NOTCH2NLC: variants seen among roughly 807,000 people sequenced by gnomAD.
NOTCH2NLC encodes the protein notch homolog 2 N-terminal-like protein C.
Under a neutral mutation model 17.7 loss-of-function variants are expected in NOTCH2NLC, and 4 were observed. The observed-to-expected ratio is 0.23, with a 90% CI of 0.11 to 0.52. The LOEUF is 0.52. Among genes scored for constraint, NOTCH2NLC ranks in the 20% least tolerant of loss-of-function variants. The pLI, the probability that NOTCH2NLC is intolerant of heterozygous loss-of-function variation, is 0.96. For synonymous variants in NOTCH2NLC, 18 were observed against 86.0 expected (o/e 0.21, Z 4.38); for missense variants, 57 against 207.2 (o/e 0.28, Z 4.45).
chr1:149,471,409 A>G lies in NOTCH2NLC; in HGVS notation c.*7256A>G, dbSNP rs1418720935. ...ACTTTGCTTATCCCACATTACAAAGATTTACTACTTCTAAGTGATTTATAA... is the reference window on the plus strand; with the variant it reads ...ACTTTGCTTATCCCACATTACAAAGGTTTACTACTTCTAAGTGATTTATAA... On this transcript the variant is annotated 3_prime_UTR_variant, in exon 5 of 5. Coordinates refer to ENST00000650865, the MANE Select transcript of NOTCH2NLC (RefSeq NM_001364013.2). Among the ~76,000 whole-genome samples, 1 of 149,232 alleles carries G rather than the reference A, an allele frequency of 6.7e-6. No individual in the cohort carries two copies. The highest frequency in any genetic ancestry group is 2.5e-5 in the African/African-American group (1 of 40,556).
rs1232120900 is a variant in NOTCH2NLC, at chr1:149,429,973, C to T, written c.136-969C>T. Among the ~76,000 whole-genome samples the T allele has an allele frequency of 3.8e-4, 57 of 151,128 alleles. 3 individuals carry two copies. The highest frequency in any genetic ancestry group is 1.2e-3 in the African/African-American group (51 of 41,238). On this transcript the variant is annotated intron_variant, in intron 1 of 4. Coordinates refer to ENST00000650865, the MANE Select transcript of NOTCH2NLC (RefSeq NM_001364013.2). ...TAGGTTTCTTTCTGTCTTACCTTTC[C>T]AGTTGTTAGGATTCTTGATATGTAT...
Position 149,471,451 on chromosome 1 carries a change from TA to T in NOTCH2NLC, c.*7299del. Among the ~76,000 whole-genome samples the T allele has an allele frequency of 6.6e-6, 1 of 150,654 alleles. No homozygotes were observed. On this transcript the variant is annotated 3_prime_UTR_variant, in exon 5 of 5. Coordinates refer to ENST00000650865, the MANE Select transcript of NOTCH2NLC (RefSeq NM_001364013.2). Reference sequence around the variant, plus strand: ...GATTTATAATTTTACCACCTACCTTTAGGTCTCTGATCCATTTTGAGTTAAT... The same window carrying T: ...GATTTATAATTTTACCACCTACCTTTGGTCTCTGATCCATTTTGAGTTAAT...
In NOTCH2NLC at chr1:149,441,120, T is replaced by C. The variant is rs1293627107; in HGVS notation, c.209+10105T>C. Among the ~76,000 whole-genome samples the C allele has an allele frequency of 1.6e-3, 223 of 142,822 alleles. 5 individuals carry two copies. Among genetic ancestry groups the C allele is most frequent in the African/African-American group, 5.6e-3 (218 of 39,044 alleles). 93.7% of individuals were successfully genotyped at this position (142,822 alleles called of 152,430 possible). On this transcript the variant is annotated intron_variant, in intron 2 of 4. Transcript: ENST00000650865. ...TCTCTAAGGCAAGAGCAAGAATGGA[T>C]TGGGATAGGGGAAGTGATAGGAAAA...
chr1:149,471,761 G>T lies in NOTCH2NLC; in HGVS notation c.*7608G>T, dbSNP rs1232840665. On this transcript the variant is annotated 3_prime_UTR_variant, in exon 5 of 5. Coordinates refer to ENST00000650865, the MANE Select transcript of NOTCH2NLC (RefSeq NM_001364013.2). ...GACACTGAAATATATGCTTAAAAAT[G>T]GTGATTTTTGTGATATATGAATTAT... 3.4e-5 allele frequency among the ~76,000 whole-genome samples: 5 copies of T among 146,570 alleles called. No individual in the cohort carries two copies. Among genetic ancestry groups the T allele is most frequent in the South Asian group, 2.2e-4 (1 of 4,584 alleles).
At chr1:149,427,349 G>A (rs68088082) in intron 1 of NOTCH2NLC, among the ~76,000 whole-genome samples, 52 of 144,224 alleles carry the variant, frequency 3.6e-4, no homozygotes, top group African/African-American at 8.3e-4. Flanking sequence ...TCAATTCTAC[G>A]TATAAGTGAG....
At chr1:149,419,753 A>G (rs1482946787) in intron 1 of NOTCH2NLC, among the ~76,000 whole-genome samples, 4 of 149,154 alleles carry the variant, frequency 2.7e-5, no homozygotes, top group Non-Finnish European at 1.5e-5. Flanking sequence ...TGACCAGGAG[A>G]CCCAGGTTGT....
chr1:149,461,799 G>A (rs1173727589), intron 3 of NOTCH2NLC, among the ~76,000 whole-genome samples: 2 of 149,920 alleles, frequency 1.3e-5, no homozygotes, highest in Non-Finnish European at 3.0e-5. Context: ...ATACTATTCA[G>A]CCATAAAAAA....
chr1:149,418,647 CT>C (rs1182047464), intron 1 of NOTCH2NLC, among the ~76,000 whole-genome samples: 8 of 123,652 alleles, frequency 6.5e-5, no homozygotes, highest in Non-Finnish European at 1.4e-4. Flanking sequence ...TGCAGATTTT[CT>C]TTTTGTCTTA....
intron 1 of NOTCH2NLC, among the ~76,000 whole-genome samples, chr1:149,405,489 C>T (rs1288083984): frequency 6.8e-6 from 1 of 147,264 alleles, no homozygotes; most frequent in Non-Finnish European, 1.5e-5. Flanking sequence ...TCCAGATCAC[C>T]TAGCCAGTCA....
intron 1 of NOTCH2NLC, among the ~76,000 whole-genome samples, chr1:149,423,823 ATG>A (rs2084395083): frequency 6.8e-6 from 1 of 147,474 alleles, no homozygotes; most frequent in Non-Finnish European, 1.5e-5. Context: ...GAAAAAAATC[ATG>A]TGAGATAGAC....
At position 149,413,623 on chromosome 1, in the gene NOTCH2NLC, TTAAC is replaced by T. The variant is rs1262744742; in HGVS notation, c.136-17318_136-17315del. Among the ~76,000 whole-genome samples, 11 of 150,938 alleles carry T rather than the reference TTAAC, an allele frequency of 7.3e-5. 1 individual carries two copies. The highest frequency in any genetic ancestry group is 2.2e-4 in the African/African-American group (9 of 41,110). The stretch of plus-strand genomic sequence containing the variant: ...AGAAGGGGCATCCTACCAGTGTGAG[TTAAC>T]ACTTCTCTGTACTCTCCCCGGTTCC... On this transcript the variant is annotated intron_variant, in intron 1 of 4. Coordinates refer to ENST00000650865, the MANE Select transcript of NOTCH2NLC (RefSeq NM_001364013.2).
chr1:149,449,188 A>G (rs1160052168), intron 2 of NOTCH2NLC, among the ~76,000 whole-genome samples: 3 of 151,032 alleles, frequency 2.0e-5, no homozygotes, highest in Non-Finnish European at 4.4e-5. Context: ...GCCTAGCTGT[A>G]AAATCTTAAT....
At chr1:149,449,968 A>T (rs1332255610) in intron 2 of NOTCH2NLC, among the ~76,000 whole-genome samples, 1 of 147,164 alleles carries the variant, frequency 6.8e-6, no homozygotes, top group Non-Finnish European at 1.5e-5. Context: ...TCAGAATGTC[A>T]TTCCTTTTCA....
At chr1:149,402,329 C>T (rs1336555846) in intron 1 of NOTCH2NLC, among the ~76,000 whole-genome samples, 1 of 150,920 alleles carries the variant, frequency 6.6e-6, no homozygotes, top group African/African-American at 2.4e-5. Context: ...GATCCACCCA[C>T]CTCAGCCTCC....
In NOTCH2NLC at chr1:149,460,729, G is replaced by A. The variant is rs1368446478; in HGVS notation, c.470-2762G>A. On this transcript the variant is annotated intron_variant, in intron 3 of 4. Transcript: ENST00000650865. ...TCATCCTTTTGGTTTTTGTGATAGCGCTATACCTCAGTCAGCTTACTAGCT... is the reference window on the plus strand; with the variant it reads ...TCATCCTTTTGGTTTTTGTGATAGCACTATACCTCAGTCAGCTTACTAGCT... Among the ~76,000 whole-genome samples the A allele has an allele frequency of 5.4e-5, 8 of 147,946 alleles. 1 individual carries two copies. In the South Asian group the frequency reaches 6.4e-4, roughly 12 times the overall value.
chr1:149,393,262 G>A (rs1225449887), intron 1 of NOTCH2NLC, among the ~76,000 whole-genome samples: 2 of 150,368 alleles, frequency 1.3e-5, no homozygotes, highest in Non-Finnish European at 3.0e-5. Context: ...TTGACTCAAA[G>A]GATAGGATTT....
At chr1:149,419,074 CT>C (rs1343612926) in intron 1 of NOTCH2NLC, among the ~76,000 whole-genome samples, 2 of 117,904 alleles carry the variant, frequency 1.7e-5, no homozygotes, top group African/African-American at 3.2e-5. Flanking sequence ...CTTTTCTTTT[CT>C]TTCTTTTCTC....
rs1170437842 is a variant in NOTCH2NLC, at chr1:149,433,580, C to T, written c.209+2565C>T. Among the ~76,000 whole-genome samples, 652 of 145,598 alleles carry T rather than the reference C, an allele frequency of 4.5e-3. 14 individuals are homozygous for T. Among genetic ancestry groups the T allele is most frequent in the African/African-American group, 0.015 (610 of 39,644 alleles). ...GAATTTCAAATATGTTCTAAGTGTTCGCCTATATATTTTTGGTCTGACATG... is the reference window on the plus strand; with the variant it reads ...GAATTTCAAATATGTTCTAAGTGTTTGCCTATATATTTTTGGTCTGACATG... On this transcript the variant is annotated intron_variant, in intron 2 of 4. Coordinates refer to ENST00000650865, the MANE Select transcript of NOTCH2NLC (RefSeq NM_001364013.2).
At chr1:149,400,139 A>ATATATTTT (rs1570899101) in intron 1 of NOTCH2NLC, among the ~76,000 whole-genome samples, 1 of 131,978 alleles carries the variant, frequency 7.6e-6, no homozygotes, top group African/African-American at 2.8e-5. Flanking sequence ...TATAATATAT[A>ATATATTTT]TTTTTTTTTT....
Sources: allele counts gnomAD v4.1 joint callset (sites outside exome capture counted in the v4.1 genomes callset), GRCh38; gene constraint gnomAD v4.1.1; transcripts MANE v1.5; gene names NCBI Gene and HGNC (gene_info 2026-07-23, HGNC 2026-07-21).